The following HMGA2 variants were observed in gnomAD, a reference collection of about 807,000 sequenced individuals.
HMGA2 encodes high mobility group AT-hook 2.
Under a neutral mutation model 19.1 loss-of-function variants are expected in HMGA2, and 8 were observed. The ratio of observed to expected loss-of-function variants is 0.42; its 90% CI spans 0.25 to 0.76. The LOEUF (loss-of-function observed/expected upper bound fraction) is 0.76. Among genes scored for constraint, HMGA2 ranks in the 30% least tolerant of loss-of-function variants. The pLI is 0.28. For missense variants in HMGA2, 109 were observed against 136.3 expected (o/e 0.80, Z 1.00); for synonymous variants, 60 against 48.8 (o/e 1.23, Z -0.96).
At chr12:65,856,045 T>A (rs886197997) in intron 3 of HMGA2, 1 of 152,220 alleles carries the variant, frequency 6.6e-6, no homozygotes, top group Non-Finnish European at 1.5e-5. Flanking sequence ...ATCTTGGAAG[T>A]GCAGAAAAAG....
chr12:65,943,047 C>T (rs1050191161), intron 3 of HMGA2, among the ~76,000 whole-genome samples: 2 of 152,050 alleles, frequency 1.3e-5, no homozygotes, highest in African/African-American at 4.8e-5. Flanking sequence ...CACGCCTCCC[C>T]GCACTTAAGA....
intron 1 of HMGA2, chr12:65,826,333 C>G (rs953531677): frequency 2.0e-5 from 3 of 152,390 alleles, no homozygotes; most frequent in Admixed American, 2.0e-4. Flanking sequence ...TGCAGAGCTG[C>G]GCTCAGCGCG....
At chr12:65,908,505 T>C (rs1362152188) in intron 3 of HMGA2, among the ~76,000 whole-genome samples, 5 of 152,238 alleles carry the variant, frequency 3.3e-5, no homozygotes, top group Non-Finnish European at 7.3e-5. Flanking sequence ...CTCTTTGTTA[T>C]TACCCTTTCT....
chr12:65,951,763 A>G lies in HMGA2; in HGVS notation c.282+348A>G, dbSNP rs189219010. The G allele has an allele frequency of 2.0e-5, 4 of 204,836 alleles. No homozygotes were observed. In the East Asian group the frequency reaches 5.0e-4, roughly 25 times the overall value. The allele number at this position is 204,836 out of a possible 1,614,324, so 12.7% of individuals were successfully genotyped here. A position where few individuals can be genotyped will look rare whatever the true frequency, so the allele number is the denominator to read the frequency against. On this transcript the variant is annotated intron_variant, in intron 4 of 4. Coordinates refer to ENST00000403681, the MANE Select transcript of HMGA2 (RefSeq NM_003483.6). ...ATTTTGTCCTTCCAACTGACTGTCT[A>G]TATTCTGTTGACACCAGACTTATAT... is the stretch of plus-strand genomic sequence containing the variant.
chr12:65,888,187 G>A (rs1218513127), intron 3 of HMGA2, among the ~76,000 whole-genome samples: 1 of 152,056 alleles, frequency 6.6e-6, no homozygotes, highest in Admixed American at 6.6e-5. Context: ...TGAGTGCAGT[G>A]GCACACACCT....
chr12:65,959,912 C>T lies in HMGA2; in HGVS notation c.283-3333C>T, dbSNP rs573635893. 8.3e-4 allele frequency among the ~76,000 whole-genome samples: 126 copies of T among 151,952 alleles called. 1 individual carries two copies. The highest frequency in any genetic ancestry group is 3.7e-4 in the Non-Finnish European group (25 of 67,970). ...TCTTTTTTTTTCTTTTTATTTGAGA[C>T]GGAGTCTTGCTCTGTCGCCCAGGCT... On this transcript the variant is annotated intron_variant, in intron 4 of 4. Coordinates refer to ENST00000403681, the MANE Select transcript of HMGA2 (RefSeq NM_003483.6).
At chr12:65,938,544 C>G (rs2121286832) in intron 3 of HMGA2, among the ~76,000 whole-genome samples, 1 of 152,302 alleles carries the variant, frequency 6.6e-6, no homozygotes, top group South Asian at 2.1e-4. Context: ...CTTCTATCCA[C>G]TTTTGGAACT....
At chr12:65,846,237 A>G (rs1871230379) in intron 3 of HMGA2, among the ~76,000 whole-genome samples, 2 of 152,262 alleles carry the variant, frequency 1.3e-5, no homozygotes, top group Non-Finnish European at 2.9e-5. Flanking sequence ...AGGATGCCGT[A>G]GTAAACAAGA....
intron 3 of HMGA2, among the ~76,000 whole-genome samples, chr12:65,870,725 AAAAAC>A (rs1209021774): frequency 9.8e-5 from 15 of 152,318 alleles, no homozygotes; most frequent in African/African-American, 3.1e-4. Context: ...GACTCCATCT[AAAAAC>A]AAAACAAAAC....
intron 2 of HMGA2, among the ~76,000 whole-genome samples, chr12:65,829,271 A>G (rs1249558790): frequency 2.0e-5 from 3 of 152,122 alleles, no homozygotes; most frequent in Admixed American, 1.3e-4. Flanking sequence ...GTTGAGGAGC[A>G]TATTTTTAAT....
intron 3 of HMGA2, among the ~76,000 whole-genome samples, chr12:65,941,820 G>A (rs888870786): frequency 2.6e-5 from 4 of 152,190 alleles, no homozygotes; most frequent in Admixed American, 6.5e-5. Flanking sequence ...TAAATTTTCT[G>A]AGTATTGATT....
intron 3 of HMGA2, chr12:65,914,828 C>T (rs1875010950): frequency 4.5e-6 from 2 of 440,362 alleles, no homozygotes; most frequent in Middle Eastern, 7.1e-4. Flanking sequence ...GCACCCACCA[C>T]CACACCCAGC....
chr12:65,941,091 C>T (rs902486090), intron 3 of HMGA2, among the ~76,000 whole-genome samples: 16 of 152,164 alleles, frequency 1.1e-4, no homozygotes, highest in African/African-American at 2.9e-4. Flanking sequence ...TTTAAGTTAA[C>T]GGAATGCTGA....
intron 3 of HMGA2, among the ~76,000 whole-genome samples, chr12:65,860,604 A>C (rs1872007619): frequency 6.6e-6 from 1 of 152,240 alleles, no homozygotes; most frequent in Non-Finnish European, 1.5e-5. Flanking sequence ...GTAACCGCTT[A>C]ATACAATATT....
intron 3 of HMGA2, among the ~76,000 whole-genome samples, chr12:65,886,263 C>G (rs770345821): frequency 1.3e-5 from 2 of 152,082 alleles, no homozygotes; most frequent in African/African-American, 2.4e-5. Context: ...CCAGACTGTT[C>G]TTAAGCTGCT....
chr12:65,962,815 A>T (rs1876789416), intron 4 of HMGA2, among the ~76,000 whole-genome samples: 1 of 152,158 alleles, frequency 6.6e-6, no homozygotes, highest in African/African-American at 2.4e-5. Flanking sequence ...CAGTATCTGG[A>T]GGGTGGGTTC....
intron 3 of HMGA2, among the ~76,000 whole-genome samples, chr12:65,883,550 T>G (rs1336043556): frequency 1.3e-5 from 2 of 152,248 alleles, no homozygotes; most frequent in African/African-American, 4.8e-5. Flanking sequence ...AATGCTCCTA[T>G]GCACTTAGTC....
At chr12:65,925,634 G>A (rs1479903569) in intron 3 of HMGA2, among the ~76,000 whole-genome samples, 1 of 152,164 alleles carries the variant, frequency 6.6e-6, no homozygotes, top group African/African-American at 2.4e-5. Flanking sequence ...TTAAATGCAA[G>A]GTTAATTCAT....
At chr12:65,901,010 G>A (rs567108064) in intron 3 of HMGA2, among the ~76,000 whole-genome samples, 116 of 152,204 alleles carry the variant, frequency 7.6e-4, no homozygotes, top group African/African-American at 2.7e-3. Context: ...TATGTTTGTT[G>A]TATCTATGTG....
Sources: gnomAD v4.1 joint callset for allele counts (sites outside exome capture counted in the v4.1 genomes callset) on GRCh38, gnomAD v4.1.1 for gene constraint, MANE v1.5 for transcripts, NCBI Gene and HGNC (gene_info 2026-07-23, HGNC 2026-07-21) for gene names.